SENP7: variants seen among roughly 807,000 people sequenced by gnomAD.
SENP7 encodes the protein sentrin-specific protease 7.
Under a neutral mutation model 141.2 loss-of-function variants are expected in SENP7, and 64 were observed. That is an observed-to-expected ratio of 0.45 (90% confidence interval 0.37 to 0.56). The LOEUF (loss-of-function observed/expected upper bound fraction) is 0.56, where lower values mean the gene tolerates loss of function less well. SENP7 is among the 20% of genes least tolerant of loss of function. SENP7 has a pLI of 0.00. For synonymous variants in SENP7, 382 were observed against 426.4 expected, an observed-to-expected ratio of 0.90 and a Z score of 1.28; for missense variants, 1,025 against 1,212.2, an observed-to-expected ratio of 0.85 and a Z score of 2.29.
intron 9 of SENP7, 75 bp downstream of exon 9, chr3:101,366,355 T>A: frequency 8.7e-7 from 1 of 1,144,762 alleles, no homozygotes; most frequent in Non-Finnish European, 1.2e-6. Flanking sequence ...TAGCCAAATT[T>A]GTTCAAGAAG....
chr3:101,492,665 C>T (rs2065012053), intron 3 of SENP7, among the ~76,000 whole-genome samples: 1 of 152,100 alleles, frequency 6.6e-6, no homozygotes, highest in Non-Finnish European at 1.5e-5. Flanking sequence ...AGTAAAGAGG[C>T]CTCAGAAGAC....
chr3:101,475,858 C>A (rs1439356519), intron 3 of SENP7, among the ~76,000 whole-genome samples: 1 of 151,854 alleles, frequency 6.6e-6, no homozygotes, highest in African/African-American at 2.4e-5. Flanking sequence ...ATAAATAAAG[C>A]AAATATGAGA....
intron 6 of SENP7, among the ~76,000 whole-genome samples, chr3:101,381,714 C>T (rs1249940762): frequency 1.3e-5 from 2 of 152,014 alleles, no homozygotes; most frequent in African/African-American, 4.8e-5. Context: ...TTATTCAAAA[C>T]TGACTAATGT....
chr3:101,440,777 T>A (rs2062637601), intron 4 of SENP7, among the ~76,000 whole-genome samples: 1 of 152,008 alleles, frequency 6.6e-6, no homozygotes, highest in South Asian at 2.1e-4. Flanking sequence ...TCAAGAAAAC[T>A]GAATCCAGCA....
chr3:101,373,500 T>TC lies in SENP7; in HGVS notation c.678-1375dup, dbSNP rs2060235982. Among the ~76,000 whole-genome samples, 5 of 152,262 alleles carry TC rather than the reference T, an allele frequency of 3.3e-5. 1 individual carries two copies. In the South Asian group the frequency reaches 1.0e-3, roughly 32 times the overall value. ...AAAAAGATGCTTAGGTACTTATGTT[T>TC]CCCCTGATATAAGAAGCAAACAGTG... On this transcript the variant is annotated intron_variant, in intron 6 of 23. Coordinates refer to ENST00000394095, the MANE Select transcript of SENP7 (RefSeq NM_020654.5).
chr3:101,513,212 GGAAAAAAAAAAAAAAAAAA>G (rs2065942710), upstream of SENP7: 183 of 135,956 alleles, frequency 1.3e-3, 3 homozygotes, highest in Middle Eastern at 7.6e-3. Flanking sequence ...GGAGGGGAAA[GGAAAAAAAAAAAAAAAAAA>G]AAAAAAAAAA....
chr3:101,350,651 G>T (rs1298044130), intron 12 of SENP7, among the ~76,000 whole-genome samples: 1 of 151,980 alleles, frequency 6.6e-6, no homozygotes, highest in South Asian at 2.1e-4. Flanking sequence ...TATCGTTTTT[G>T]ATGTTTGTAT....
intron 4 of SENP7, among the ~76,000 whole-genome samples, chr3:101,419,279 G>T (rs6802335): frequency 6.6e-6 from 1 of 152,134 alleles, no homozygotes. Context: ...TCTAAGAATG[G>T]GCAGTTAGGC....
At chr3:101,437,172 C>T (rs2062422248) in intron 4 of SENP7, among the ~76,000 whole-genome samples, 1 of 152,052 alleles carries the variant, frequency 6.6e-6, no homozygotes, top group South Asian at 2.1e-4. Context: ...AAAATCAAAA[C>T]AATTGAATTC....
chr3:101,385,605 G>C (rs1235480757), intron 6 of SENP7, among the ~76,000 whole-genome samples: 6 of 152,122 alleles, frequency 3.9e-5, no homozygotes, highest in Admixed American at 3.9e-4. Context: ...CTCCATCTAA[G>C]ACAATTGCAC....
intron 4 of SENP7, among the ~76,000 whole-genome samples, chr3:101,423,798 A>G (rs1444334229): frequency 6.6e-6 from 1 of 152,162 alleles, no homozygotes; most frequent in African/African-American, 2.4e-5. Context: ...CTGGGGGGCA[A>G]TGGGTGAGTT....
intron 22 of SENP7, 67 bp downstream of exon 22, chr3:101,328,411 G>C (rs2058961382): frequency 9.3e-7 from 1 of 1,080,608 alleles, no homozygotes; most frequent in Non-Finnish European, 1.4e-6. Flanking sequence ...CAATAATTCT[G>C]AAGGTAACTT....
At chr3:101,431,581 C>T (rs1400880154) in intron 4 of SENP7, among the ~76,000 whole-genome samples, 1 of 135,726 alleles carries the variant, frequency 7.4e-6, no homozygotes, top group East Asian at 2.3e-4. Context: ...GTCAAGAGAT[C>T]GAGACCATCC....
Position 101,403,430 on chromosome 3 carries a change from C to T in SENP7, c.483-4375G>A, listed in dbSNP as rs73865603. Among the ~76,000 whole-genome samples, 1,509 of 152,280 alleles carry T rather than the reference C, an allele frequency of 9.9e-3. 28 individuals carry two copies. Among genetic ancestry groups the T allele is most frequent in the African/African-American group, 0.034 (1,411 of 41,554 alleles). ...TTTATTGTAAACATGAAGAACCCAA[C>T]GCTCAGAAAAGTTAAATAAGCTGCC... On this transcript the variant is annotated intron_variant, in intron 5 of 23. Transcript: ENST00000394095.
intron 11 of SENP7, chr3:101,357,300 G>T (rs1271272652): frequency 1.2e-5 from 7 of 600,092 alleles, no homozygotes; most frequent in Admixed American, 2.3e-5. Context: ...CGCGAGGAGT[G>T]GCATTGCCTG....
intron 6 of SENP7, among the ~76,000 whole-genome samples, chr3:101,396,191 C>T (rs1406315317): frequency 1.3e-5 from 2 of 152,164 alleles, no homozygotes; most frequent in Admixed American, 6.5e-5. Flanking sequence ...GGAAATTCCA[C>T]ATCTATTTAG....
intron 23 of SENP7, among the ~76,000 whole-genome samples, chr3:101,326,597 A>G (rs997641695): frequency 3.9e-5 from 6 of 152,174 alleles, no homozygotes; most frequent in Non-Finnish European, 8.8e-5. Flanking sequence ...AAAAGCAAAG[A>G]GTGATTCCTT....
chr3:101,335,006 A>G (rs1489575949), intron 17 of SENP7, among the ~76,000 whole-genome samples: 1 of 152,232 alleles, frequency 6.6e-6, no homozygotes, highest in Non-Finnish European at 1.5e-5. Context: ...TACTGAGGAT[A>G]GAGTGGAAAA....
intron 15 of SENP7, 44 bp from the exon 16 acceptor site, chr3:101,340,255 C>T: frequency 6.5e-7 from 1 of 1,529,124 alleles, no homozygotes; most frequent in Non-Finnish European, 8.7e-7. Context: ...TATTGAAAAT[C>T]CTATTATCTA....
Sources: allele counts gnomAD v4.1 joint callset (sites outside exome capture counted in the v4.1 genomes callset), GRCh38; gene constraint gnomAD v4.1.1; transcripts MANE v1.5; gene names NCBI Gene and HGNC (gene_info 2026-07-23, HGNC 2026-07-21).